Variants in COL11A2 observed in about 807,000 individuals in gnomAD.
COL11A2 encodes collagen type XI alpha 2 chain.
COL11A2 carries 116 observed loss-of-function variants against 273.4 expected under a neutral mutation model. The ratio of observed to expected loss-of-function variants is 0.42; its 90% CI spans 0.36 to 0.49. The LOEUF (loss-of-function observed/expected upper bound fraction) is 0.49, where lower values mean the gene tolerates loss of function less well. Ranked by LOEUF, COL11A2 falls within the 20% of genes least tolerant of loss-of-function variation. The probability of loss-of-function intolerance (pLI) is 0.00; values close to 1 mark genes in which losing one functional copy is unlikely to be tolerated. For synonymous variants in COL11A2, 782 were observed against 864.2 expected, an observed-to-expected ratio of 0.90 and a Z score of 1.67; for missense variants, 1,866 against 2,309.0, an observed-to-expected ratio of 0.81 and a Z score of 3.93.
chr6:33,189,055 G>C lies in COL11A2; in HGVS notation c.366C>G (p.Phe122Leu). ...LGLELGRPVR[F>L]LYEDQTGRPQ... The stretch of plus-strand genomic sequence containing the variant: ...GCCGCCCAGTCTGGTCTTCATACAG[G>C]AAGCGGACAGGTCGGCCCAGCTCCA... Residue 122 changes from phenylalanine (F) to leucine (L), a missense_variant, in exon 3 of 66, where the codon TTC becomes TTG. Transcript: ENST00000341947. This position sits in a 1 kb window ranked among gnomAD's most constrained non-coding sequence, Gnocchi z 5.6. 6.2e-7 allele frequency: 1 copy of C among 1,614,208 alleles called. No homozygotes were observed. The highest frequency in any genetic ancestry group is 2.2e-5 in the East Asian group (1 of 44,884).
In COL11A2 at chr6:33,170,599, G is replaced by A. The variant is rs764477380; in HGVS notation, c.3486C>T (p.Gly1162=). The change falls in exon 47 of 66, where the codon GGC becomes GGT. Residue 1162 remains glycine (G), a synonymous_variant. Coordinates refer to ENST00000341947, the MANE Select transcript of COL11A2 (RefSeq NM_080680.3). The surrounding 1 kb of genome is among the most constrained non-coding windows in gnomAD (Gnocchi z 4.3). The part of the protein sequence containing the change: ...PGPIGLQGLP[G]PSGEKGETGD... Reference sequence around the variant, plus strand: ...CTGTTTCTCCCTTCTCCCCAGAGGGGCCTGGCAAACCCTGTGCAAGTATAC... The same window carrying A: ...CTGTTTCTCCCTTCTCCCCAGAGGGACCTGGCAAACCCTGTGCAAGTATAC... 5.0e-6 allele frequency: 8 copies of A among 1,612,370 alleles called. No individual in the cohort carries two copies. The South Asian group carries it at 6.6e-5, about 13-fold the overall frequency.
rs547805683 is a variant in COL11A2, at chr6:33,178,546, C to T, written c.1720-58G>A. ...CAGAGCCCCCAACACAGGCAGACAC[C>T]GAACCTCTGCACTTAGCCCATCCAT... On this transcript the variant is annotated intron_variant, in intron 18 of 65. Transcript: ENST00000341947. This position sits in a 1 kb window ranked among gnomAD's most constrained non-coding sequence, Gnocchi z 4.6. 2.6e-4 allele frequency: 422 copies of T among 1,610,516 alleles called. No homozygotes were observed. Among genetic ancestry groups the T allele is most frequent in the Middle Eastern group, 6.6e-4 (4 of 6,056 alleles).
chr6:33,175,511 C>T, intron 30 of COL11A2, 63 bp downstream of exon 30: 1 of 1,410,402 alleles, frequency 7.1e-7, no homozygotes, highest in Non-Finnish European at 1.0e-6. Context: ...GGCACCCATG[C>T]CCATCCTGAC....
rs948374674 is a variant in COL11A2 at position 33,173,450 on chromosome 6, G to A, written c.2683-49C>T. On this transcript the variant is annotated intron_variant, in intron 36 of 65. Coordinates refer to ENST00000341947, the MANE Select transcript of COL11A2 (RefSeq NM_080680.3). This position sits in a 1 kb window ranked among gnomAD's most constrained non-coding sequence, Gnocchi z 6.3. The stretch of plus-strand genomic sequence containing the variant: ...TGAACTCTCAGCTGGAAAGCAGGTA[G>A]GGAAGAAGGACTCAGAGAAGCGAGG... The A allele has an allele frequency of 3.1e-6, 5 of 1,612,418 alleles. No homozygotes were observed. The highest frequency in any genetic ancestry group is 2.7e-5 in the African/African-American group (2 of 74,970).
chr6:33,163,869 A>T lies in COL11A2; in HGVS notation c.5071-51T>A. The T allele has an allele frequency of 3.7e-6, 6 of 1,612,132 alleles. No homozygotes were observed. The South Asian group carries it at 6.6e-5, about 18-fold the overall frequency. On this transcript the variant is annotated intron_variant, in intron 65 of 65. Transcript: ENST00000341947. The surrounding 1 kb of genome is among the most constrained non-coding windows in gnomAD (Gnocchi z 4.1). ...TGTGAGCAGGATGGAGGCACCCCCC[A>T]CCCTCTAACCTCAGGCCCAGGCTCA...
Position 33,178,296 on chromosome 6 carries a change from T to C in COL11A2, c.1818+12A>G, listed in dbSNP as rs1771203829. On this transcript the variant is annotated intron_variant, in intron 20 of 65. Coordinates refer to ENST00000341947, the MANE Select transcript of COL11A2 (RefSeq NM_080680.3). The surrounding 1 kb of genome is among the most constrained non-coding windows in gnomAD (Gnocchi z 4.6). ...GAGCCCCCTCCCCCAGCACCAGCCC[T>C]TGGACACTCACCGACTCTCCAGGCA... The C allele has an allele frequency of 6.2e-7, 1 of 1,612,466 alleles. No homozygotes were observed. Among genetic ancestry groups the C allele is most frequent in the Non-Finnish European group, 8.5e-7 (1 of 1,179,772 alleles).
In COL11A2 at chr6:33,176,976, G is replaced by A; in HGVS notation, c.2070+16C>T. ...AGGCCAAGGGGAACTGGATTCGGAA[G>A]TGGGGTCCCACTCACCGGGGGTCCG... On this transcript the variant is annotated intron_variant, in intron 25 of 65. Transcript: ENST00000341947. The surrounding 1 kb of genome is among the most constrained non-coding windows in gnomAD (Gnocchi z 4.9). 6.2e-7 allele frequency: 1 copy of A among 1,609,092 alleles called. No individual in the cohort carries two copies. The highest frequency in any genetic ancestry group is 8.5e-7 in the Non-Finnish European group (1 of 1,177,956).
At position 33,176,663 on chromosome 6, in the gene COL11A2, G is replaced by A. The variant is rs1770949948; in HGVS notation, c.2115+58C>T. 6.5e-7 allele frequency: 1 copy of A among 1,548,196 alleles called. No homozygotes were observed. Among genetic ancestry groups the A allele is most frequent in the South Asian group, 1.1e-5 (1 of 87,844 alleles). Reference sequence around the variant, plus strand: ...GAGACAAGGGAATCCCAAGGACTTTGAGGCTCTAGAGTCTGAGTGGAGACT... The same window carrying A: ...GAGACAAGGGAATCCCAAGGACTTTAAGGCTCTAGAGTCTGAGTGGAGACT... On this transcript the variant is annotated intron_variant, in intron 26 of 65. Coordinates refer to ENST00000341947, the MANE Select transcript of COL11A2 (RefSeq NM_080680.3). This position sits in a 1 kb window ranked among gnomAD's most constrained non-coding sequence, Gnocchi z 4.9.
intron 29 of COL11A2, 23 bp downstream of exon 29, chr6:33,175,993 G>A: frequency 6.2e-7 from 1 of 1,612,840 alleles, no homozygotes; most frequent in South Asian, 1.1e-5. Flanking sequence ...CGGAATTGGG[G>A]CCAGTGTGGG....
chr6:33,163,621 G>A lies in COL11A2; in HGVS notation c.*57C>T. 2 of 1,612,420 alleles carry A rather than the reference G, an allele frequency of 1.2e-6. No homozygotes were observed. Among genetic ancestry groups the A allele is most frequent in the Non-Finnish European group, 1.7e-6 (2 of 1,179,442 alleles). Reference sequence around the variant, plus strand: ...TCTTGGGAGGTGGCACAGAGCTGATGTTGTGGGATTCCAGGTGGGCCTGGT... The same window carrying A: ...TCTTGGGAGGTGGCACAGAGCTGATATTGTGGGATTCCAGGTGGGCCTGGT... On this transcript the variant is annotated 3_prime_UTR_variant, in exon 66 of 66. Coordinates refer to ENST00000341947, the MANE Select transcript of COL11A2 (RefSeq NM_080680.3). The surrounding 1 kb of genome is among the most constrained non-coding windows in gnomAD (Gnocchi z 4.1).
chr6:33,168,596 G>A, intron 53 of COL11A2, 24 bp from the exon 54 acceptor site: 2 of 1,612,936 alleles, frequency 1.2e-6, no homozygotes, highest in South Asian at 1.1e-5. Flanking sequence ...AATTGGGGTG[G>A]CTGAGTGTTT....
intron 30 of COL11A2, 197 bp downstream of exon 30, chr6:33,175,377 G>C: frequency 1.4e-6 from 1 of 695,714 alleles, no homozygotes; most frequent in Non-Finnish European, 2.6e-6. Context: ...CTTCGTGTCA[G>C]GGACTTTTCC....
Position 33,166,974 on chromosome 6 carries a change from A to G in COL11A2, c.4230+96T>C. On this transcript the variant is annotated intron_variant, in intron 58 of 65. Transcript: ENST00000341947. The surrounding 1 kb of genome is among the most constrained non-coding windows in gnomAD (Gnocchi z 4.8). ...GGGACTCCCTGGGACTGGCTGCCGG[A>G]GGCCTGAAGCAGAGCAGTGGGCACT... is the stretch of plus-strand genomic sequence containing the variant. 6.4e-7 allele frequency: 1 copy of G among 1,569,558 alleles called. No individual in the cohort carries two copies. The highest frequency in any genetic ancestry group is 8.7e-7 in the Non-Finnish European group (1 of 1,147,032).
chr6:33,172,980 G>T (rs1471132764), intron 38 of COL11A2, 80 bp downstream of exon 38: 2 of 1,466,868 alleles, frequency 1.4e-6, no homozygotes, highest in Non-Finnish European at 1.9e-6. Context: ...GACCGGGGCA[G>T]GGGCGTGTGA....
At chr6:33,183,250 C>T (rs1200033587) in intron 8 of COL11A2, among the ~76,000 whole-genome samples, 1 of 152,094 alleles carries the variant, frequency 6.6e-6, no homozygotes, top group East Asian at 1.9e-4. Flanking sequence ...TTAAACATGG[C>T]CAACATGGCT....
In COL11A2 at chr6:33,176,978, G is replaced by C; in HGVS notation, c.2070+14C>G. On this transcript the variant is annotated intron_variant, in intron 25 of 65. Transcript: ENST00000341947. The surrounding 1 kb of genome is among the most constrained non-coding windows in gnomAD (Gnocchi z 4.9). ...GCCAAGGGGAACTGGATTCGGAAGT[G>C]GGGTCCCACTCACCGGGGGTCCGTC... The C allele has an allele frequency of 6.2e-7, 1 of 1,609,250 alleles. No homozygotes were observed. Among genetic ancestry groups the C allele is most frequent in the East Asian group, 2.2e-5 (1 of 44,738 alleles).
Position 33,173,476 on chromosome 6 carries a change from T to G in COL11A2, c.2682+26A>C, listed in dbSNP as rs9277932. Reference sequence around the variant, plus strand: ...GGAAGAAGGACTCAGAGAAGCGAGGTGGGTCAGAGCTCGGGGTCAACTTAC... The same window carrying G: ...GGAAGAAGGACTCAGAGAAGCGAGGGGGGTCAGAGCTCGGGGTCAACTTAC... On this transcript the variant is annotated intron_variant, in intron 36 of 65. Transcript: ENST00000341947. The surrounding 1 kb of genome is among the most constrained non-coding windows in gnomAD (Gnocchi z 6.3). 0.57 allele frequency: 912,353 copies of G among 1,606,098 alleles called. 263,211 individuals are homozygous for G. Among genetic ancestry groups the G allele is most frequent in the East Asian group, 0.83 (37,088 of 44,768 alleles).
In COL11A2 at chr6:33,164,761, C is replaced by T; in HGVS notation, c.4863+91G>A. ...TGGCAGGCTCCGGGGGGGGCAACAG[C>T]CAGGGGACTGTCACCAAAACCCAGA... On this transcript the variant is annotated intron_variant, in intron 64 of 65. Transcript: ENST00000341947. This position sits in a 1 kb window ranked among gnomAD's most constrained non-coding sequence, Gnocchi z 4.7. 1 of 1,161,822 alleles carries T rather than the reference C, an allele frequency of 8.6e-7. No homozygotes were observed. The highest frequency in any genetic ancestry group is 1.2e-6 in the Non-Finnish European group (1 of 800,730). 72.0% of individuals were successfully genotyped at this position (1,161,822 alleles called of 1,614,324 possible).
chr6:33,179,803 GA>G lies in COL11A2; in HGVS notation c.1361del (p.Phe454SerfsTer56). 2 of 1,610,802 alleles carry G rather than the reference GA, an allele frequency of 1.2e-6. No homozygotes were observed. The highest frequency in any genetic ancestry group is 1.7e-6 in the Non-Finnish European group (2 of 1,179,902). On this transcript the variant is annotated frameshift_variant and splice_region_variant, in exon 13 of 66. Transcript: ENST00000341947. LOFTEE classifies it high-confidence loss of function. The surrounding 1 kb of genome is among the most constrained non-coding windows in gnomAD (Gnocchi z 6.4). ...GPPGTSLMLP[F>X]RFGSGGGDKG... Reference sequence around the variant, plus strand: ...TGTCACCCCCACCACTGCCAAACCGGAACTGAGGTCAAGGAGAGAAGGTCCA... The same window carrying G: ...TGTCACCCCCACCACTGCCAAACCGGACTGAGGTCAAGGAGAGAAGGTCCA...
Sources: gnomAD v4.1 joint callset for allele counts (sites outside exome capture counted in the v4.1 genomes callset) on GRCh38, gnomAD v4.1.1 for gene constraint, Gnocchi (gnomAD v3.1) non-coding constraint, MANE v1.5 for transcripts, NCBI Gene and HGNC (gene_info 2026-07-23, HGNC 2026-07-21) for gene names.